HEMK2: variants seen among roughly 807,000 people sequenced by gnomAD.
The protein encoded by HEMK2 is HemK methyltransferase 2, ETF1 glutamine and histone H4 lysine.
chr21:28,870,193 G>A, the HEMK2 span, among the ~76,000 whole-genome samples: 2 of 147,068 alleles, frequency 1.4e-5, no homozygotes, highest in Non-Finnish European at 3.0e-5. Context: ...TGTAGACACA[G>A]GTTAAAAAAC....
the HEMK2 span, among the ~76,000 whole-genome samples, chr21:28,848,380 G>T: frequency 1.3e-5 from 2 of 151,550 alleles, no homozygotes; most frequent in African/African-American, 4.8e-5. Flanking sequence ...GAATTTTCTA[G>T]GCATACAATA....
the HEMK2 span, among the ~76,000 whole-genome samples, chr21:28,592,220 T>C: frequency 1.3e-5 from 2 of 152,342 alleles, no homozygotes; most frequent in Middle Eastern, 3.4e-3. Context: ...CTGTTATTTT[T>C]TGACTTTTTA....
At chr21:28,808,338 A>C in the HEMK2 span, among the ~76,000 whole-genome samples, 4 of 151,836 alleles carry the variant, frequency 2.6e-5, no homozygotes, top group Admixed American at 2.6e-4. Flanking sequence ...CTTCTTTTCC[A>C]ATATTTTTGA....
the HEMK2 span, among the ~76,000 whole-genome samples, chr21:28,779,336 A>G: frequency 1.1e-4 from 16 of 152,216 alleles, no homozygotes; most frequent in African/African-American, 3.9e-4. Context: ...AATGTGGAGG[A>G]TATCATGAGG....
chr21:28,828,034 T>C, the HEMK2 span, among the ~76,000 whole-genome samples: 2 of 152,230 alleles, frequency 1.3e-5, no homozygotes, highest in African/African-American at 2.4e-5. Context: ...AACTTACCCC[T>C]TGTAGCTTAG....
At chr21:28,823,130 T>C in the HEMK2 span, among the ~76,000 whole-genome samples, 2 of 152,214 alleles carry the variant, frequency 1.3e-5, no homozygotes, top group South Asian at 2.1e-4. Flanking sequence ...GGGTTAATTC[T>C]GTTAAGTGAT....
the HEMK2 span, chr21:28,885,323 G>C: frequency 1.3e-6 from 2 of 1,583,606 alleles, no homozygotes; most frequent in Non-Finnish European, 1.7e-6. Context: ...GTGGAACGGC[G>C]TAGCGAAGTT....
chr21:28,722,237 C>G, the HEMK2 span, among the ~76,000 whole-genome samples: 2 of 150,722 alleles, frequency 1.3e-5, no homozygotes, highest in South Asian at 2.1e-4. Flanking sequence ...AAAGAGAATA[C>G]AAAAAAATTT....
chr21:28,797,848 A>G, the HEMK2 span, among the ~76,000 whole-genome samples: 1 of 152,210 alleles, frequency 6.6e-6, no homozygotes, highest in Non-Finnish European at 1.5e-5. Flanking sequence ...GTTCTGTGAC[A>G]TGTGGGTGCA....
chr21:28,735,129 T>C, the HEMK2 span, among the ~76,000 whole-genome samples: 1 of 152,216 alleles, frequency 6.6e-6, no homozygotes, highest in Admixed American at 6.5e-5. Flanking sequence ...AATAGAAGTG[T>C]ATGAGGTCTT....
At chr21:28,711,080 A>G in the HEMK2 span, among the ~76,000 whole-genome samples, 2 of 152,202 alleles carry the variant, frequency 1.3e-5, no homozygotes, top group East Asian at 3.9e-4. Context: ...CTGATTTTTA[A>G]TATGTTCAAC....
the HEMK2 span, among the ~76,000 whole-genome samples, chr21:28,863,891 G>C: frequency 6.6e-6 from 1 of 152,116 alleles, no homozygotes; most frequent in Non-Finnish European, 1.5e-5. Flanking sequence ...GCAGTGGCAC[G>C]ATCTTGGCTC....
chr21:28,707,445 G>A, the HEMK2 span, among the ~76,000 whole-genome samples: 17 of 151,712 alleles, frequency 1.1e-4, no homozygotes, highest in African/African-American at 3.1e-4. Context: ...TTGTATAGAC[G>A]GGATTTCACC....
At chr21:28,790,725 A>C in the HEMK2 span, among the ~76,000 whole-genome samples, 1 of 151,656 alleles carries the variant, frequency 6.6e-6, no homozygotes, top group Admixed American at 6.6e-5. Context: ...AACATTTTGG[A>C]AATAGTTTAA....
the HEMK2 span, among the ~76,000 whole-genome samples, chr21:28,582,267 A>G: frequency 4.6e-5 from 7 of 152,260 alleles, no homozygotes. Context: ...ACCAGACGGT[A>G]GTCCAGCTCA....
At chr21:28,868,403 T>C in the HEMK2 span, among the ~76,000 whole-genome samples, 2 of 152,220 alleles carry the variant, frequency 1.3e-5, no homozygotes, top group Non-Finnish European at 1.5e-5. Flanking sequence ...TCTTTTAGGC[T>C]GTGCATGGTG....
At chr21:28,709,253 T>C in the HEMK2 span, among the ~76,000 whole-genome samples, 1 of 152,200 alleles carries the variant, frequency 6.6e-6, no homozygotes, top group Non-Finnish European at 1.5e-5. Context: ...GCAAAGTCTT[T>C]GAAATCACAA....
chr21:28,882,274 C>T, the HEMK2 span: 3 of 1,563,122 alleles, frequency 1.9e-6, no homozygotes, highest in Non-Finnish European at 2.6e-6. Context: ...TGGAAGGAAA[C>T]TATATCCTAT....
chr21:28,816,200 C>A, the HEMK2 span, among the ~76,000 whole-genome samples: 1 of 152,144 alleles, frequency 6.6e-6, no homozygotes, highest in Non-Finnish European at 1.5e-5. Context: ...AGCCACCCAG[C>A]CTGTGATACT....
Sources: gnomAD v4.1 joint callset for allele counts (sites outside exome capture counted in the v4.1 genomes callset) on GRCh38, gnomAD v4.1.1 for gene constraint, MANE v1.5 for transcripts, NCBI Gene and HGNC (gene_info 2026-07-23, HGNC 2026-07-21) for gene names.